Variants in WDR27 observed in about 807,000 individuals in gnomAD.
WDR27 encodes WD repeat domain 27, also known as WD repeat-containing protein 27.
A neutral mutation model predicts 114.4 loss-of-function variants in WDR27; 100 were observed. The observed-to-expected ratio is 0.87, with a 90% CI of 0.74 to 1.03. The LOEUF (loss-of-function observed/expected upper bound fraction) is 1.03. WDR27 is among the 50% of genes least tolerant of loss of function. The pLI is 0.00. For missense variants in WDR27, 1,129 were observed against 1,092.9 expected, an observed-to-expected ratio of 1.03 and a Z score of -0.47; for synonymous variants, 449 against 423.1, an observed-to-expected ratio of 1.06 and a Z score of -0.75.
At chr6:169,518,573 A>T (rs369429400) in intron 25 of WDR27, among the ~76,000 whole-genome samples, 90 of 152,338 alleles carry the variant, frequency 5.9e-4, no homozygotes, top group African/African-American at 2.0e-3. Context: ...TGCACAGGGC[A>T]GTGGGGCTCT....
chr6:169,583,048 G>A, intron 23 of WDR27, 114 bp from the exon 24 acceptor site: 1 of 814,272 alleles, frequency 1.2e-6, no homozygotes, highest in Non-Finnish European at 2.0e-6. Flanking sequence ...AGATACAACA[G>A]CAACAACCAA....
At chr6:169,484,697 A>G (rs562450013) in intron 25 of WDR27, among the ~76,000 whole-genome samples, 1 of 152,362 alleles carries the variant, frequency 6.6e-6, no homozygotes, top group African/African-American at 2.4e-5. Flanking sequence ...GGAACCAAAA[A>G]AGAGCCTGAA....
intron 23 of WDR27, among the ~76,000 whole-genome samples, chr6:169,583,502 TATGTATATATAC>T (rs1436717736): frequency 0.27 from 18,054 of 66,864 alleles, 1,554 homozygotes; most frequent in South Asian, 0.42. Flanking sequence ...TATATATATA[TATGTATATATAC>T]ACACACACAC....
intron 25 of WDR27, among the ~76,000 whole-genome samples, chr6:169,563,945 A>G (rs367788226): frequency 6.6e-6 from 1 of 152,184 alleles, no homozygotes; most frequent in Admixed American, 6.5e-5. Context: ...CAGGACTCAT[A>G]GGATAGATGA....
chr6:169,690,753 C>A (rs11755486), intron 1 of WDR27, among the ~76,000 whole-genome samples: 61 of 152,200 alleles, frequency 4.0e-4, no homozygotes, highest in Non-Finnish European at 8.4e-4. Flanking sequence ...TGCCTCCCAG[C>A]CCCTTGACTG....
intron 16 of WDR27, among the ~76,000 whole-genome samples, chr6:169,646,334 G>T (rs1820741717): frequency 6.6e-6 from 1 of 152,222 alleles, no homozygotes; most frequent in African/African-American, 2.4e-5. Flanking sequence ...CCTGCACCCA[G>T]GACAGGATGC....
intron 13 of WDR27, among the ~76,000 whole-genome samples, chr6:169,654,827 A>G (rs963399320): frequency 1.3e-5 from 2 of 151,658 alleles, no homozygotes; most frequent in Non-Finnish European, 2.9e-5. Context: ...GGGCGCTCAG[A>G]AGGAGGCGGC....
chr6:169,446,711 A>G, the WDR27 span, among the ~76,000 whole-genome samples: 1,152 of 152,370 alleles, frequency 7.6e-3, 21 homozygotes, highest in African/African-American at 0.027. Context: ...TCTTACAAAC[A>G]TAACTCTTTT....
At chr6:169,506,304 A>C (rs950459087) in intron 25 of WDR27, among the ~76,000 whole-genome samples, 1 of 152,196 alleles carries the variant, frequency 6.6e-6, no homozygotes, top group African/African-American at 2.4e-5. Flanking sequence ...TATGCCATTA[A>C]GATACTCTGT....
chr6:169,452,397 T>C (rs1784185752), downstream of WDR27, among the ~76,000 whole-genome samples: 1 of 152,244 alleles, frequency 6.6e-6, no homozygotes, highest in Non-Finnish European at 1.5e-5. Context: ...ACGCGGTCCT[T>C]TGTACGTAAC....
intron 1 of WDR27, among the ~76,000 whole-genome samples, chr6:169,693,394 T>C (rs927632907): frequency 6.6e-6 from 1 of 152,162 alleles, no homozygotes; most frequent in Non-Finnish European, 1.5e-5. Flanking sequence ...CCTTAAAACG[T>C]AAATCTCACA....
chr6:169,519,056 C>T (rs1437039792), intron 25 of WDR27, among the ~76,000 whole-genome samples: 2 of 152,230 alleles, frequency 1.3e-5, no homozygotes, highest in African/African-American at 4.8e-5. Flanking sequence ...ACCTTTGCTC[C>T]AGTTCTCCAT....
intron 25 of WDR27, among the ~76,000 whole-genome samples, chr6:169,491,809 G>C (rs2115437584): frequency 6.6e-6 from 1 of 152,216 alleles, no homozygotes; most frequent in African/African-American, 2.4e-5. Context: ...GTCTAGAACT[G>C]GGTATCCTAA....
intron 3 of WDR27, chr6:169,670,908 C>T: frequency 1.8e-6 from 1 of 552,076 alleles, no homozygotes; most frequent in Non-Finnish European, 3.1e-6. Flanking sequence ...CCTGCAGAGA[C>T]TCTCTCAGCA....
At chr6:169,545,954 C>T (rs570278773) in intron 25 of WDR27, among the ~76,000 whole-genome samples, 2 of 151,998 alleles carry the variant, frequency 1.3e-5, no homozygotes, top group East Asian at 1.9e-4. Context: ...AAAGGGTAAG[C>T]GATATGAACA....
At chr6:169,665,925 C>T (rs983416477) in intron 6 of WDR27, among the ~76,000 whole-genome samples, 4 of 152,114 alleles carry the variant, frequency 2.6e-5, no homozygotes, top group South Asian at 2.1e-4. Flanking sequence ...GCCGTTTAAT[C>T]GACGTTGCAC....
chr6:169,624,344 C>A (rs1039532905), intron 21 of WDR27, among the ~76,000 whole-genome samples: 2 of 152,128 alleles, frequency 1.3e-5, no homozygotes, highest in Non-Finnish European at 2.9e-5. Context: ...ACTCTGGATC[C>A]GAGGACAAAG....
At position 169,457,598 on chromosome 6, in the gene WDR27, A is replaced by G. The variant is rs1784422557; in HGVS notation, c.2682T>C (p.Ser894=). 1 of 1,552,518 alleles carries G rather than the reference A, an allele frequency of 6.4e-7. No individual in the cohort carries two copies. The highest frequency in any genetic ancestry group is 2.4e-5 in the East Asian group (1 of 41,130). The part of the protein sequence containing the change: ...PQLPWMVNSS[S]F ...CAGGTCAGTGGTTACTCAGCTAGAA[A>G]GAGCTGGAGTTTACCATCCAAGGTA... Residue 894 remains serine (S), a synonymous_variant, in exon 26 of 26, where the codon TCT becomes TCC. Transcript: ENST00000448612.
At chr6:169,509,892 G>A (rs995332058) in intron 25 of WDR27, among the ~76,000 whole-genome samples, 2 of 152,176 alleles carry the variant, frequency 1.3e-5, no homozygotes, top group African/African-American at 4.8e-5. Context: ...CTGACAAAGA[G>A]CTTATATCCA....
Sources: gnomAD v4.1 joint callset for allele counts (sites outside exome capture counted in the v4.1 genomes callset) on GRCh38, gnomAD v4.1.1 for gene constraint, MANE v1.5 for transcripts, NCBI Gene and HGNC (gene_info 2026-07-23, HGNC 2026-07-21) for gene names.